Variants in SUN5 observed in about 807,000 individuals in gnomAD.
SUN5 encodes the protein SUN domain-containing protein 5.
Under a neutral mutation model 53.7 loss-of-function variants are expected in SUN5, and 44 were observed. The ratio of observed to expected loss-of-function variants is 0.82; its 90% CI spans 0.64 to 1.05. The LOEUF (loss-of-function observed/expected upper bound fraction) is 1.05. Among genes scored for constraint, SUN5 ranks in the 50% least tolerant of loss-of-function variants. The pLI is 0.00. For missense variants in SUN5, 433 were observed against 483.8 expected, an observed-to-expected ratio of 0.90 and a Z score of 0.98; for synonymous variants, 166 against 179.8, an observed-to-expected ratio of 0.92 and a Z score of 0.62.
Position 33,002,847 on chromosome 20 carries a change from C to G in SUN5, c.136+14G>C, listed in dbSNP as rs1460919784. ...GCTGCCCATGAAAATACCAGGGCACCTGTCCTTGCTCACTCATGTTTGGGG... is the reference window on the plus strand; with the variant it reads ...GCTGCCCATGAAAATACCAGGGCACGTGTCCTTGCTCACTCATGTTTGGGG... On this transcript the variant is annotated intron_variant, in intron 2 of 12. Transcript: ENST00000356173. 3.7e-6 allele frequency: 6 copies of G among 1,613,874 alleles called. No homozygotes were observed. The Admixed American group carries it at 1.0e-4, about 27-fold the overall frequency.
At chr20:33,002,402 G>C (rs1990072781) in intron 3 of SUN5, among the ~76,000 whole-genome samples, 185 bp downstream of exon 3, 1 of 152,098 alleles carries the variant, frequency 6.6e-6, no homozygotes, top group South Asian at 2.1e-4. Context: ...CCCCTCTCCA[G>C]CCACCAAAGA....
In SUN5 at chr20:33,004,296, G is replaced by T. The variant is rs768675300; in HGVS notation, c.45C>A (p.Leu15=). Reference sequence around the variant, plus strand: ...GTCTGGGATTGTGGGCCACATCTTCGAGTAGGGCGCCTGGGTCCCCAGGGC... The same window carrying T: ...GTCTGGGATTGTGGGCCACATCTTCTAGTAGGGCGCCTGGGTCCCCAGGGC... ...SRSPGDPGAL[L]EDVAHNPRPR... is the part of the protein sequence containing the mutation. The change falls in exon 1 of 13, where the codon CTC becomes CTA. Residue 15 remains leucine (L), a synonymous_variant. Transcript: ENST00000356173. 1 of 1,579,762 alleles carries T rather than the reference G, an allele frequency of 6.3e-7. No homozygotes were observed. The highest frequency in any genetic ancestry group is 1.8e-5 in the Admixed American group (1 of 55,554).
In SUN5 at chr20:32,989,627, C is replaced by T; in HGVS notation, c.606G>A (p.Lys202=). The change falls in exon 9 of 13, where the codon AAG becomes AAA. Residue 202 remains lysine (K), a synonymous_variant. Coordinates refer to ENST00000356173, the MANE Select transcript of SUN5 (RefSeq NM_080675.4). ...DYIEKPDFAL[K]SIGASIDFEH... is the part of the protein sequence containing the mutation. ...GGGAAGGGGGTCACCTACCTATAGACTTCAGGGCAAAGTCTGGCTTTTCGA... is the reference window on the plus strand; with the variant it reads ...GGGAAGGGGGTCACCTACCTATAGATTTCAGGGCAAAGTCTGGCTTTTCGA... 6.2e-7 allele frequency: 1 copy of T among 1,614,012 alleles called. No individual in the cohort carries two copies. The highest frequency in any genetic ancestry group is 8.5e-7 in the Non-Finnish European group (1 of 1,179,996).
intron 7 of SUN5, 42 bp from the exon 8 acceptor site, chr20:32,995,769 A>T (rs779732781): frequency 2.5e-6 from 4 of 1,570,722 alleles, no homozygotes; most frequent in Non-Finnish European, 2.6e-6. Flanking sequence ...TTGATTTGTG[A>T]TGCGTTGTTG....
chr20:33,001,319 A>T (rs1990002337), intron 3 of SUN5, 41 bp from the exon 4 acceptor site: 1 of 1,554,394 alleles, frequency 6.4e-7, no homozygotes, highest in African/African-American at 1.4e-5. Flanking sequence ...CTACGCCCTC[A>T]TCTTTGTCCC....
At chr20:32,987,160 G>T (rs1173336332) in intron 10 of SUN5, among the ~76,000 whole-genome samples, 2 of 152,182 alleles carry the variant, frequency 1.3e-5, no homozygotes, top group African/African-American at 2.4e-5. Context: ...CATCTGTGAG[G>T]CAGGATCCTG....
At chr20:33,002,732 A>G (rs1023850425) in intron 2 of SUN5, 71 bp from the exon 3 acceptor site, 1 of 1,604,370 alleles carries the variant, frequency 6.2e-7, no homozygotes, top group African/African-American at 1.3e-5. Flanking sequence ...CCTAGGGAGC[A>G]CCCAGAGCTT....
chr20:32,997,725 T>A, intron 5 of SUN5, 38 bp from the exon 6 acceptor site: 1 of 1,612,278 alleles, frequency 6.2e-7, no homozygotes, highest in Non-Finnish European at 8.5e-7. Flanking sequence ...CCATTTAACA[T>A]GCAAGATGAA....
intron 8 of SUN5, among the ~76,000 whole-genome samples, chr20:32,994,983 A>G (rs1989805011): frequency 6.6e-6 from 1 of 152,228 alleles, no homozygotes; most frequent in Admixed American, 6.5e-5. Flanking sequence ...ACATAAGCAC[A>G]TAACAGAAAA....
intron 3 of SUN5, among the ~76,000 whole-genome samples, 183 bp downstream of exon 3, chr20:33,002,404 C>T (rs1409201359): frequency 6.6e-6 from 1 of 152,100 alleles, no homozygotes; most frequent in Non-Finnish European, 1.5e-5. Flanking sequence ...CCTCTCCAGC[C>T]ACCAAAGACT....
intron 8 of SUN5, among the ~76,000 whole-genome samples, chr20:32,991,813 G>A (rs148508580): frequency 1.3e-5 from 2 of 152,280 alleles, no homozygotes; most frequent in South Asian, 2.1e-4. Context: ...TAAAGTTGAT[G>A]GATCGAAGAC....
chr20:33,001,562 C>CTTTCT lies in SUN5; in HGVS notation c.212-285_212-284insAGAAA, dbSNP rs1555876523. On this transcript the variant is annotated intron_variant, in intron 3 of 12. Transcript: ENST00000356173. ...TCTTTCTTTCTTTCTTTCTTTCTTT[C>CTTTCT]TTTTCTTCCTTCCTTCCTTTCTTTC... Among the ~76,000 whole-genome samples the CTTTCT allele has an allele frequency of 2.6e-3, 260 of 98,282 alleles. 1 individual carries two copies. Among genetic ancestry groups the CTTTCT allele is most frequent in the African/African-American group, 0.011 (243 of 22,116 alleles). 64.5% of individuals were successfully genotyped at this position (98,282 alleles called of 152,430 possible).
chr20:32,994,373 A>G (rs1989784671), intron 8 of SUN5, among the ~76,000 whole-genome samples: 1 of 152,210 alleles, frequency 6.6e-6, no homozygotes, highest in Admixed American at 6.5e-5. Flanking sequence ...AAGAGGCAAG[A>G]CCATATCATT....
chr20:32,989,608 G>C lies in SUN5; in HGVS notation c.613+12C>G. On this transcript the variant is annotated intron_variant, in intron 9 of 12. Transcript: ENST00000356173. ...TTGAGGCAGTCAGATGGTGGGGAAG[G>C]GGGTCACCTACCTATAGACTTCAGG... 1 of 1,613,218 alleles carries C rather than the reference G, an allele frequency of 6.2e-7. No individual in the cohort carries two copies.
At chr20:32,985,033 C>T in intron 12 of SUN5, 66 bp downstream of exon 12, 1 of 1,532,442 alleles carries the variant, frequency 6.5e-7, no homozygotes, top group Non-Finnish European at 9.0e-7. Flanking sequence ...AAGAGGGGGT[C>T]CCTGGGTACA....
intron 3 of SUN5, among the ~76,000 whole-genome samples, chr20:33,001,654 C>CCTCCCTCA (rs1990043850): frequency 8.6e-6 from 1 of 116,540 alleles, no homozygotes; most frequent in Non-Finnish European, 1.8e-5. Context: ...TCCCTCCCTC[C>CCTCCCTCA]CTCCCTCCCT....
At position 32,997,574 on chromosome 20, in the gene SUN5, G is replaced by T. The variant is rs1989885971; in HGVS notation, c.390+64C>A. ...TGGTGAGAATGAATGGAGCTGTGGA[G>T]GTGATATTGACTGGTTAGGGTGAGA... On this transcript the variant is annotated intron_variant, in intron 6 of 12. Transcript: ENST00000356173. 29 of 1,564,640 alleles carry T rather than the reference G, an allele frequency of 1.9e-5. No individual in the cohort carries two copies. In the South Asian group the frequency reaches 3.3e-4, roughly 18 times the overall value.
chr20:32,998,382 C>T (rs1026640356), intron 5 of SUN5, among the ~76,000 whole-genome samples: 3 of 151,830 alleles, frequency 2.0e-5, no homozygotes, highest in African/African-American at 7.3e-5. Flanking sequence ...GCAGCAGAAT[C>T]GCTTGAACCC....
At chr20:32,997,616 C>T (rs774300848) in intron 6 of SUN5, 22 bp downstream of exon 6, 2 of 1,613,462 alleles carry the variant, frequency 1.2e-6, no homozygotes, top group Non-Finnish European at 1.7e-6. Context: ...AGCTGTGGGG[C>T]CTGAGGAGGG....
Sources: allele counts gnomAD v4.1 joint callset (sites outside exome capture counted in the v4.1 genomes callset), GRCh38; gene constraint gnomAD v4.1.1; transcripts MANE v1.5; gene names NCBI Gene and HGNC (gene_info 2026-07-23, HGNC 2026-07-21).